Variants in NUB1 observed in about 807,000 individuals in gnomAD.
NUB1 encodes NEDD8 ultimate buster 1.
Under a neutral mutation model 77.1 loss-of-function variants are expected in NUB1, and 41 were observed. That is an observed-to-expected ratio of 0.53 (90% CI 0.41 to 0.69). The LOEUF is 0.69. Ranked by LOEUF, NUB1 falls within the 30% of genes least tolerant of loss-of-function variation. The pLI is 0.00. For synonymous variants in NUB1, 257 were observed against 281.0 expected, an observed-to-expected ratio of 0.91 and a Z score of 0.85; for missense variants, 643 against 743.8, an observed-to-expected ratio of 0.86 and a Z score of 1.58.
chr7:151,377,124 G>A lies in NUB1; in HGVS notation c.1747G>A (p.Glu583Lys). 2 of 1,587,766 alleles carry A rather than the reference G, an allele frequency of 1.3e-6. No homozygotes were observed. The highest frequency in any genetic ancestry group is 8.6e-7 in the Non-Finnish European group (1 of 1,165,934). ...NEILEDIPEH[E>K]EDYLDSTLED... ...GATACTGGAAGACATTCCAGAGCAT[G>A]AGGAAGACTATCTTGACTCAACTCT... is the stretch of plus-strand genomic sequence containing the variant. The change falls in exon 15 of 15, where the codon GAG (glutamate) becomes AAG (lysine). Residue 583 changes from glutamate to lysine, a missense_variant. Glu to Lys is a moderately conservative substitution (Grantham distance 56, BLOSUM62 1). Coordinates refer to ENST00000568733, the MANE Select transcript of NUB1 (RefSeq NM_001243351.2).
chr7:151,375,861 A>G lies in NUB1; in HGVS notation c.1409A>G (p.Asn470Ser). Residue 470 changes from asparagine to serine, a missense_variant, in exon 13 of 15, where the codon AAT (asparagine) becomes AGT (serine). Asn to Ser is a conservative substitution (Grantham distance 46, BLOSUM62 1). Transcript: ENST00000568733. ...LDEALKILLS[N>S]PQMWWLNDSN... ...TGTGTGTTTTAGATTCTGCTCAGCAATCCTCAGATGTGGTGGTTAAATGAT... is the reference window on the plus strand; with the variant it reads ...TGTGTGTTTTAGATTCTGCTCAGCAGTCCTCAGATGTGGTGGTTAAATGAT... 6.2e-7 allele frequency: 1 copy of G among 1,610,832 alleles called. No individual in the cohort carries two copies. The highest frequency in any genetic ancestry group is 8.5e-7 in the Non-Finnish European group (1 of 1,177,002).
At chr7:151,357,006 C>T (rs111450429) in intron 7 of NUB1, among the ~76,000 whole-genome samples, 5,706 of 151,480 alleles carry the variant, frequency 0.038, 179 homozygotes, top group Non-Finnish European at 0.056. Flanking sequence ...CGTGAGCCAC[C>T]GAACTCTGCC....
intron 3 of NUB1, among the ~76,000 whole-genome samples, chr7:151,350,871 G>A (rs1215774720): frequency 2.0e-5 from 3 of 152,120 alleles, no homozygotes; most frequent in African/African-American, 4.8e-5. Flanking sequence ...ACAGATGAAG[G>A]GATAGATAAA....
At chr7:151,348,569 CTTTTTTTTTTT>C (rs59781719) in intron 2 of NUB1, among the ~76,000 whole-genome samples, 3 of 69,940 alleles carry the variant, frequency 4.3e-5, no homozygotes, top group East Asian at 8.8e-4. Context: ...TTGCTTTTTG[CTTTTTTTTTTT>C]TTTTTTTTTT....
intron 3 of NUB1, chr7:151,351,208 CTGG>C: frequency 1.8e-6 from 1 of 540,656 alleles, no homozygotes; most frequent in South Asian, 2.2e-5. Flanking sequence ...GCAGCCCTGC[CTGG>C]TGGTGCCACG....
rs960413614 is a variant in NUB1, at chr7:151,345,477, T to C, written c.117+11T>C. 3.0e-6 allele frequency: 4 copies of C among 1,329,388 alleles called. No individual in the cohort carries two copies. Among genetic ancestry groups the C allele is most frequent in the Non-Finnish European group, 4.3e-6 (4 of 934,408 alleles). 82.3% of individuals were successfully genotyped at this position (1,329,388 alleles called of 1,614,324 possible). ...GGTTTGGCATTAAAGGTATTTTTCT[T>C]TTAAGACATCAATAATTAGCAGCAT... On this transcript the variant is annotated intron_variant, in intron 2 of 14. Transcript: ENST00000568733.
chr7:151,344,889 A>AGACCAAGGTGG (rs1796417569), intron 1 of NUB1, among the ~76,000 whole-genome samples: 1 of 151,424 alleles, frequency 6.6e-6, no homozygotes, highest in East Asian at 2.0e-4. Context: ...AATCCCAGTG[A>AGACCAAGGTGG]GTAGGGAGGC....
rs139745397 is a variant in NUB1, at chr7:151,352,942, C to A, written c.415+60C>A. ...AACCAAATATAGAAATAATGACTTC[C>A]CTTTTTTTCTCAATGTCTTTTCAAA... On this transcript the variant is annotated intron_variant, in intron 5 of 14. Transcript: ENST00000568733. 1.1e-3 allele frequency: 955 copies of A among 900,178 alleles called. 11 individuals are homozygous for A. The African/African-American group carries it at 0.015, about 14-fold the overall frequency. The allele number at this position is 900,178 out of a possible 1,614,324, so 55.8% of individuals were successfully genotyped here.
chr7:151,364,170 C>T (rs1797525795), intron 8 of NUB1, among the ~76,000 whole-genome samples: 1 of 150,706 alleles, frequency 6.6e-6, no homozygotes, highest in Non-Finnish European at 1.5e-5. Context: ...CGCCTGTAAT[C>T]CCAACACTAT....
intron 8 of NUB1, among the ~76,000 whole-genome samples, chr7:151,365,910 A>G (rs575776682): frequency 8.7e-4 from 132 of 151,810 alleles, no homozygotes; most frequent in African/African-American, 2.7e-3. Context: ...TATTCCATGC[A>G]TATTTTGATA....
intron 7 of NUB1, among the ~76,000 whole-genome samples, chr7:151,358,922 A>G (rs1797216623): frequency 6.6e-6 from 1 of 151,356 alleles, no homozygotes; most frequent in Non-Finnish European, 1.5e-5. Context: ...AAAATTAGCC[A>G]GGCGTGGTGG....
chr7:151,354,024 A>G (rs904698659), intron 5 of NUB1, among the ~76,000 whole-genome samples: 1 of 152,174 alleles, frequency 6.6e-6, no homozygotes, highest in Non-Finnish European at 1.5e-5. Context: ...GTTTTGTTGA[A>G]GTCCTTTCCC....
At chr7:151,358,751 A>C (rs925125909) in intron 7 of NUB1, among the ~76,000 whole-genome samples, 1 of 152,140 alleles carries the variant, frequency 6.6e-6, no homozygotes, top group Non-Finnish European at 1.5e-5. Flanking sequence ...AACTTCAAAA[A>C]ATTTTGGATC....
chr7:151,341,947 G>A (rs1159435276), intron 1 of NUB1, 101 bp downstream of exon 1: 3 of 1,349,188 alleles, frequency 2.2e-6, no homozygotes, highest in Non-Finnish European at 2.8e-6. Context: ...GCCAGGGGTG[G>A]AGCGGCCGCG....
At chr7:151,360,507 CT>C in intron 8 of NUB1, 1 of 349,944 alleles carries the variant, frequency 2.9e-6, no homozygotes, top group Non-Finnish European at 5.2e-6. Flanking sequence ...CTAGTCGGAA[CT>C]TTCCATTATA....
chr7:151,359,907 G>C (rs2150687140), intron 7 of NUB1, among the ~76,000 whole-genome samples: 1 of 152,290 alleles, frequency 6.6e-6, no homozygotes, highest in South Asian at 2.1e-4. Context: ...TGAAAGCAAA[G>C]GGCCAAGTGC....
In NUB1 at chr7:151,375,897, A is replaced by C. The variant is rs1207942757; in HGVS notation, c.1445A>C (p.Glu482Ala). The change falls in exon 13 of 15, where the codon GAA becomes GCA. Residue 482 changes from glutamate to alanine, a missense_variant. Coordinates refer to ENST00000568733, the MANE Select transcript of NUB1 (RefSeq NM_001243351.2). ...QMWWLNDSNP[E>A]TDNRQESPSQ... ...TGGTGGTTAAATGATTCCAATCCTG[A>C]AACCGACAACCGTCAAGAAAGTCCT... 6 of 1,613,454 alleles carry C rather than the reference A, an allele frequency of 3.7e-6. No homozygotes were observed. The highest frequency in any genetic ancestry group is 4.2e-6 in the Non-Finnish European group (5 of 1,179,482).
At chr7:151,374,388 C>T (rs1798109036) in intron 12 of NUB1, 145 bp downstream of exon 12, 1 of 1,114,098 alleles carries the variant, frequency 9.0e-7, no homozygotes, top group Admixed American at 2.0e-5. Context: ...TTCTCCTGGG[C>T]TCCAGCCCAG....
At chr7:151,375,347 G>A (rs868331586) in intron 12 of NUB1, among the ~76,000 whole-genome samples, 1 of 152,156 alleles carries the variant, frequency 6.6e-6, no homozygotes, top group African/African-American at 2.4e-5. Context: ...AATTATACGA[G>A]TGGCACAAAA....
Sources: allele counts gnomAD v4.1 joint callset (sites outside exome capture counted in the v4.1 genomes callset), GRCh38; gene constraint gnomAD v4.1.1; transcripts MANE v1.5; gene names NCBI Gene and HGNC (gene_info 2026-07-23, HGNC 2026-07-21).